WWOX: variants seen among roughly 807,000 people sequenced by gnomAD.
WWOX encodes the protein WW domain-containing oxidoreductase.
In WWOX, 69 loss-of-function variants were observed where a neutral mutation model predicts 46.2. The observed-to-expected ratio is 1.49, with a 90% confidence interval of 1.23 to 1.82. WWOX has a LOEUF of 1.82. WWOX is among the 40% of genes most tolerant of loss of function. The pLI, the probability that WWOX is intolerant of heterozygous loss-of-function variation, is 0.00. For synonymous variants in WWOX, 359 were observed against 202.6 expected (o/e 1.77, Z -6.56); for missense variants, 919 against 542.6 (o/e 1.69, Z -6.89).
intron 8 of WWOX, among the ~76,000 whole-genome samples, chr16:79,118,960 C>T (rs1336355111): frequency 6.6e-6 from 1 of 152,098 alleles, no homozygotes; most frequent in Non-Finnish European, 1.5e-5. Context: ...CTTTTGGTGT[C>T]ATAAGGAGTG....
At chr16:78,197,425 C>T (rs530307901) in intron 5 of WWOX, among the ~76,000 whole-genome samples, 1 of 152,294 alleles carries the variant, frequency 6.6e-6, no homozygotes, top group East Asian at 1.9e-4. Flanking sequence ...AGCTAATTAC[C>T]TACTGAGCTT....
At chr16:78,739,334 C>G (rs2049162188) in intron 8 of WWOX, among the ~76,000 whole-genome samples, 1 of 152,192 alleles carries the variant, frequency 6.6e-6, no homozygotes, top group African/African-American at 2.4e-5. Context: ...GTTCCCAACA[C>G]TCGCAGCAGA....
intron 5 of WWOX, among the ~76,000 whole-genome samples, chr16:78,208,269 G>A (rs1311222572): frequency 1.3e-5 from 2 of 152,220 alleles, no homozygotes; most frequent in East Asian, 3.8e-4. Context: ...AACAATGTAG[G>A]AGATAACGAA....
intron 8 of WWOX, among the ~76,000 whole-genome samples, chr16:79,130,851 C>T (rs1249278366): frequency 6.6e-6 from 1 of 152,210 alleles, no homozygotes; most frequent in South Asian, 2.1e-4. Flanking sequence ...CAGTGCGGAG[C>T]TACTGCGGGT....
At chr16:79,006,569 A>G (rs369030790) in intron 8 of WWOX, among the ~76,000 whole-genome samples, 19 of 151,742 alleles carry the variant, frequency 1.3e-4, no homozygotes, top group African/African-American at 2.9e-4. Flanking sequence ...TTTGTTTTCA[A>G]TTGCTGCTGT....
At chr16:78,341,877 G>A (rs1353671236) in intron 5 of WWOX, among the ~76,000 whole-genome samples, 2 of 120,740 alleles carry the variant, frequency 1.7e-5, no homozygotes, top group South Asian at 5.0e-4. Context: ...CACATTGGGA[G>A]GCTGAGGTGA....
At position 78,706,260 on chromosome 16, in the gene WWOX, A is replaced by G. The variant is rs971129890; in HGVS notation, c.1056+273508A>G. On this transcript the variant is annotated intron_variant, in intron 8 of 8. Coordinates refer to ENST00000566780, the MANE Select transcript of WWOX (RefSeq NM_016373.4). Reference sequence around the variant, plus strand: ...ACTTTTTCCTTATTTGACCCATATAAACTTTGTCTGTCTGTGTCTGTCAGT... The same window carrying G: ...ACTTTTTCCTTATTTGACCCATATAGACTTTGTCTGTCTGTGTCTGTCAGT... Among the ~76,000 whole-genome samples the G allele has an allele frequency of 1.5e-4, 23 of 151,966 alleles. 1 individual carries two copies. Among genetic ancestry groups the G allele is most frequent in the African/African-American group, 4.8e-4 (20 of 41,354 alleles).
At chr16:78,650,650 G>A (rs777000859) in intron 8 of WWOX, among the ~76,000 whole-genome samples, 5 of 152,194 alleles carry the variant, frequency 3.3e-5, no homozygotes, top group African/African-American at 9.7e-5. Flanking sequence ...TAATGGAGGT[G>A]TTCTCAGGAA....
intron 6 of WWOX, among the ~76,000 whole-genome samples, chr16:78,392,053 G>C (rs1235640501): frequency 6.6e-6 from 1 of 151,148 alleles, no homozygotes; most frequent in Non-Finnish European, 1.5e-5. Flanking sequence ...AGGGACCAGG[G>C]TGTTCTCTAG....
At chr16:78,819,682 T>G (rs1029674630) in intron 8 of WWOX, among the ~76,000 whole-genome samples, 2 of 152,192 alleles carry the variant, frequency 1.3e-5, no homozygotes, top group African/African-American at 2.4e-5. Context: ...TTGAATTCTT[T>G]CCTGGGCAAA....
At chr16:79,040,266 T>C (rs2047945174) in intron 8 of WWOX, among the ~76,000 whole-genome samples, 1 of 136,570 alleles carries the variant, frequency 7.3e-6, no homozygotes, top group South Asian at 2.4e-4. Context: ...GTTCATTCTT[T>C]CTGAGTTGAT....
At chr16:78,898,045 T>C (rs935753348) in intron 8 of WWOX, 1 of 152,096 alleles carries the variant, frequency 6.6e-6, no homozygotes, top group African/African-American at 2.4e-5. Context: ...GAATTCTATA[T>C]ATATTTTGGA....
chr16:78,101,683 C>T (rs1385896221), intron 1 of WWOX, among the ~76,000 whole-genome samples: 3 of 152,168 alleles, frequency 2.0e-5, no homozygotes, highest in Non-Finnish European at 4.4e-5. Flanking sequence ...AAAATCTTCC[C>T]TCCCAGGTGA....
chr16:78,530,185 A>G (rs1222405002), intron 8 of WWOX, among the ~76,000 whole-genome samples: 1 of 152,032 alleles, frequency 6.6e-6, no homozygotes, highest in African/African-American at 2.4e-5. Flanking sequence ...GATGCCCGTG[A>G]CCCCTGAAAC....
intron 8 of WWOX, among the ~76,000 whole-genome samples, chr16:78,868,981 A>G (rs2044067716): frequency 6.6e-6 from 1 of 152,128 alleles, no homozygotes; most frequent in Admixed American, 6.5e-5. Flanking sequence ...ACACACACAC[A>G]TGCATGCGAT....
chr16:78,644,778 T>C (rs72792798), intron 8 of WWOX, among the ~76,000 whole-genome samples: 8,254 of 152,298 alleles, frequency 0.054, 290 homozygotes, highest in Non-Finnish European at 0.076. Context: ...TCGGCACTTT[T>C]ATCCAACAAA....
chr16:78,232,034 T>A (rs2037285598), intron 5 of WWOX, among the ~76,000 whole-genome samples: 1 of 152,198 alleles, frequency 6.6e-6, no homozygotes. Context: ...TTCCTTTTTA[T>A]CATTGTCTTT....
chr16:78,723,447 A>G (rs1238781460), intron 8 of WWOX, among the ~76,000 whole-genome samples: 8 of 133,082 alleles, frequency 6.0e-5, no homozygotes, highest in African/African-American at 1.7e-4. Flanking sequence ...AACTGAAGCC[A>G]CAACAGAAGT....
chr16:78,998,580 G>A (rs781525810), intron 8 of WWOX, among the ~76,000 whole-genome samples: 1 of 152,144 alleles, frequency 6.6e-6, no homozygotes, highest in Non-Finnish European at 1.5e-5. Flanking sequence ...GGAGTTAATC[G>A]ATGTAGTTAA....
Sources: allele counts gnomAD v4.1 joint callset (sites outside exome capture counted in the v4.1 genomes callset), GRCh38; gene constraint gnomAD v4.1.1; transcripts MANE v1.5; gene names NCBI Gene and HGNC (gene_info 2026-07-23, HGNC 2026-07-21).